The following SDK1 variants were observed in gnomAD, a reference collection of about 807,000 sequenced individuals.
SDK1 encodes the protein sidekick cell adhesion molecule 1.
Under a neutral mutation model 245.5 loss-of-function variants are expected in SDK1, and 157 were observed. The observed-to-expected ratio is 0.64, with a 90% CI of 0.56 to 0.73. SDK1 has a LOEUF of 0.73. SDK1 is among the 30% of genes least tolerant of loss of function. The probability of loss-of-function intolerance (pLI) is 0.00; values close to 1 mark genes in which losing one functional copy is unlikely to be tolerated. For synonymous variants in SDK1, 1,647 were observed against 1,278.5 expected, an observed-to-expected ratio of 1.29 and a Z score of -6.15; for missense variants, 3,583 against 3,002.3, an observed-to-expected ratio of 1.19 and a Z score of -4.52.
At chr7:3,917,080 T>G (rs12701280) in intron 5 of SDK1, among the ~76,000 whole-genome samples, 42,109 of 152,130 alleles carry the variant, frequency 0.28, 6,034 homozygotes, top group Middle Eastern at 0.38. Flanking sequence ...GACAACATAA[T>G]TGTTTTCTAT....
chr7:3,410,288 T>G (rs140140353), intron 1 of SDK1, among the ~76,000 whole-genome samples: 165 of 150,240 alleles, frequency 1.1e-3, no homozygotes, highest in Non-Finnish European at 2.1e-3. Flanking sequence ...CGCACAACAT[T>G]ATTAAAAATA....
At chr7:3,877,807 G>T (rs1189424153) in intron 5 of SDK1, among the ~76,000 whole-genome samples, 1 of 152,170 alleles carries the variant, frequency 6.6e-6, no homozygotes, top group Non-Finnish European at 1.5e-5. Context: ...ATGTTTTCAT[G>T]TCAGCAATTA....
At chr7:3,468,034 A>G (rs141205149) in intron 1 of SDK1, among the ~76,000 whole-genome samples, 1 of 152,266 alleles carries the variant, frequency 6.6e-6, no homozygotes, top group African/African-American at 2.4e-5. Context: ...AATGTAATCT[A>G]TGCAAGAAAT....
At chr7:3,497,245 G>T (rs1369283050) in intron 1 of SDK1, among the ~76,000 whole-genome samples, 1 of 152,122 alleles carries the variant, frequency 6.6e-6, no homozygotes, top group Non-Finnish European at 1.5e-5. Flanking sequence ...AAATTGGTTT[G>T]CCCCTAAGGT....
intron 1 of SDK1, among the ~76,000 whole-genome samples, chr7:3,385,360 T>TA (rs1781584353): frequency 6.6e-6 from 1 of 152,058 alleles, no homozygotes; most frequent in African/African-American, 2.4e-5. Context: ...ACATTTCCAT[T>TA]TCATATATAT....
At chr7:3,402,697 T>G (rs1324511132) in intron 1 of SDK1, among the ~76,000 whole-genome samples, 1 of 152,186 alleles carries the variant, frequency 6.6e-6, no homozygotes, top group Non-Finnish European at 1.5e-5. Context: ...TCTTCTTGAT[T>G]GCAGTTTTCC....
intron 12 of SDK1, among the ~76,000 whole-genome samples, chr7:3,972,237 TC>T (rs1782545282): frequency 6.6e-6 from 1 of 151,924 alleles, no homozygotes; most frequent in Non-Finnish European, 1.5e-5. Context: ...CTGCCACCAC[TC>T]CCGGCTATTT....
At chr7:3,956,626 A>G (rs1277395629) in intron 7 of SDK1, among the ~76,000 whole-genome samples, 2 of 152,236 alleles carry the variant, frequency 1.3e-5, no homozygotes, top group South Asian at 2.1e-4. Context: ...ACTGCCCAGG[A>G]CATTGGCCCC....
intron 4 of SDK1, among the ~76,000 whole-genome samples, chr7:3,786,189 CA>C (rs896424836): frequency 2.6e-5 from 4 of 152,134 alleles, no homozygotes; most frequent in Non-Finnish European, 4.4e-5. Flanking sequence ...CCATCCTTGT[CA>C]AAAGCATTTA....
intron 4 of SDK1, among the ~76,000 whole-genome samples, chr7:3,817,727 T>A (rs1431554956): frequency 1.3e-5 from 2 of 152,172 alleles, no homozygotes; most frequent in Non-Finnish European, 2.9e-5. Context: ...AGCCATCATC[T>A]CAATGCAGGT....
At chr7:3,383,469 A>C (rs531680444) in intron 1 of SDK1, among the ~76,000 whole-genome samples, 69 of 152,302 alleles carry the variant, frequency 4.5e-4, no homozygotes, top group African/African-American at 1.6e-3. Flanking sequence ...CAATAAAAGG[A>C]TAAAAAGATG....
At chr7:3,626,991 A>T (rs1411350118) in intron 2 of SDK1, among the ~76,000 whole-genome samples, 5 of 151,904 alleles carry the variant, frequency 3.3e-5, no homozygotes, top group Non-Finnish European at 7.4e-5. Flanking sequence ...ACAGTGGCAC[A>T]GTCATAGTTC....
intron 5 of SDK1, among the ~76,000 whole-genome samples, chr7:3,916,570 T>G (rs575632199): frequency 6.6e-6 from 1 of 152,224 alleles, no homozygotes; most frequent in African/African-American, 2.4e-5. Flanking sequence ...AAGCAATTCT[T>G]AGGTAAGATT....
intron 30 of SDK1, 152 bp from the exon 31 acceptor site, chr7:4,158,296 C>G (rs776215767): frequency 6.1e-5 from 38 of 618,030 alleles, no homozygotes; most frequent in African/African-American, 9.2e-5. Context: ...CAAGAACAGC[C>G]TCCTTGCTAA....
chr7:3,606,684 C>T (rs909727962), intron 1 of SDK1, among the ~76,000 whole-genome samples: 7 of 152,118 alleles, frequency 4.6e-5, no homozygotes, highest in Non-Finnish European at 7.4e-5. Context: ...TACTCAGATA[C>T]CCCGTTCTCA....
At chr7:3,602,569 G>T (rs1781286480) in intron 1 of SDK1, among the ~76,000 whole-genome samples, 1 of 151,728 alleles carries the variant, frequency 6.6e-6, no homozygotes. Context: ...GTAGATTCTG[G>T]ATATTAGCCC....
intron 19 of SDK1, among the ~76,000 whole-genome samples, chr7:4,065,322 G>A (rs546141094): frequency 2.0e-5 from 3 of 152,244 alleles, no homozygotes; most frequent in South Asian, 2.1e-4. Flanking sequence ...CCAAAGCTCC[G>A]AGGAAATGAG....
intron 5 of SDK1, among the ~76,000 whole-genome samples, chr7:3,869,872 T>G (rs544838685): frequency 4.0e-4 from 61 of 152,172 alleles, no homozygotes; most frequent in Non-Finnish European, 8.2e-4. Flanking sequence ...CATTGGTTCC[T>G]TTGGTTCCCA....
chr7:3,854,963 A>G (rs1780508800), intron 5 of SDK1, among the ~76,000 whole-genome samples: 1 of 152,206 alleles, frequency 6.6e-6, no homozygotes, highest in Non-Finnish European at 1.5e-5. Context: ...AGGGTGGCTC[A>G]GTGAACTCTA....
Sources: allele counts gnomAD v4.1 joint callset (sites outside exome capture counted in the v4.1 genomes callset), GRCh38; gene constraint gnomAD v4.1.1; transcripts MANE v1.5; gene names NCBI Gene and HGNC (gene_info 2026-07-23, HGNC 2026-07-21).